The following SERPINI1 variants were observed in gnomAD, a reference collection of about 807,000 sequenced individuals.
SERPINI1 encodes the protein serpin family I member 1.
Under a neutral mutation model 41.1 loss-of-function variants are expected in SERPINI1, and 19 were observed. The ratio of observed to expected loss-of-function variants is 0.46; its 90% CI spans 0.32 to 0.68. The LOEUF (loss-of-function observed/expected upper bound fraction) is 0.68. SERPINI1 is among the 30% of genes least tolerant of loss of function. The pLI is 0.03. For synonymous variants in SERPINI1, 138 were observed against 156.6 expected, an observed-to-expected ratio of 0.88 and a Z score of 0.89; for missense variants, 460 against 479.2, an observed-to-expected ratio of 0.96 and a Z score of 0.37.
chr3:167,797,506 T>C (rs1727753472), intron 5 of SERPINI1, among the ~76,000 whole-genome samples: 1 of 152,162 alleles, frequency 6.6e-6, no homozygotes, highest in South Asian at 2.1e-4. Flanking sequence ...TAATCCATCT[T>C]GAGTTAACTT....
intron 5 of SERPINI1, among the ~76,000 whole-genome samples, chr3:167,804,999 G>A (rs1002427071): frequency 4.0e-5 from 6 of 151,140 alleles, no homozygotes; most frequent in African/African-American, 1.2e-4. Flanking sequence ...TTCTGTTTAC[G>A]ATCACTATAT....
intron 1 of SERPINI1, among the ~76,000 whole-genome samples, chr3:167,743,993 A>G (rs1364410516): frequency 6.6e-6 from 1 of 152,092 alleles, no homozygotes; most frequent in Non-Finnish European, 1.5e-5. Flanking sequence ...CATCTTATTA[A>G]GGCTGCCTTC....
intron 1 of SERPINI1, among the ~76,000 whole-genome samples, chr3:167,778,466 G>A (rs1727026260): frequency 6.6e-6 from 1 of 152,200 alleles, no homozygotes. Flanking sequence ...TGAAATCATA[G>A]GAGATTCAAA....
chr3:167,812,466 C>G (rs1711925678), intron 6 of SERPINI1, among the ~76,000 whole-genome samples: 1 of 152,182 alleles, frequency 6.6e-6, no homozygotes, highest in Admixed American at 6.5e-5. Flanking sequence ...TTTAATATCC[C>G]CAATTTCATC....
chr3:167,743,649 G>C (rs1725751293), intron 1 of SERPINI1, among the ~76,000 whole-genome samples: 1 of 152,140 alleles, frequency 6.6e-6, no homozygotes, highest in Non-Finnish European at 1.5e-5. Flanking sequence ...TCTAGTGTGA[G>C]TTTGGATTCT....
At chr3:167,754,449 T>C (rs1019315366) in intron 1 of SERPINI1, among the ~76,000 whole-genome samples, 1 of 152,248 alleles carries the variant, frequency 6.6e-6, no homozygotes, top group Non-Finnish European at 1.5e-5. Flanking sequence ...CTGTGGCACA[T>C]ACATTTTCAT....
At position 167,744,292 on chromosome 3, in the gene SERPINI1, C is replaced by A. The variant is rs1048122840; in HGVS notation, c.-19+8469C>A. On this transcript the variant is annotated intron_variant, in intron 1 of 8. Transcript: ENST00000446050. ...ACAGAGTGCATTACACAGTAACTGGCGTGTAGTAAATGCTCATTAAATGTT... is the reference window on the plus strand; with the variant it reads ...ACAGAGTGCATTACACAGTAACTGGAGTGTAGTAAATGCTCATTAAATGTT... Among the ~76,000 whole-genome samples the A allele has an allele frequency of 2.0e-5, 3 of 151,744 alleles. No homozygotes were observed. In the East Asian group the frequency reaches 5.8e-4, roughly 29 times the overall value.
chr3:167,781,209 A>G (rs572100908), intron 1 of SERPINI1, among the ~76,000 whole-genome samples: 3 of 152,228 alleles, frequency 2.0e-5, no homozygotes, highest in South Asian at 2.1e-4. Context: ...ACTTATTCCA[A>G]CTTTCACCAA....
At chr3:167,812,284 GC>G (rs1364101624) in intron 6 of SERPINI1, among the ~76,000 whole-genome samples, 5 of 152,134 alleles carry the variant, frequency 3.3e-5, no homozygotes, top group Non-Finnish European at 5.9e-5. Flanking sequence ...AGTCACCTGT[GC>G]CCCATCCGCT....
chr3:167,801,552 T>C (rs1727899480), intron 5 of SERPINI1, among the ~76,000 whole-genome samples: 1 of 152,188 alleles, frequency 6.6e-6, no homozygotes. Context: ...TAGAGAAAGT[T>C]GCTTGTTGCT....
chr3:167,807,844 T>C (rs976858752), intron 6 of SERPINI1, among the ~76,000 whole-genome samples: 7 of 152,212 alleles, frequency 4.6e-5, no homozygotes, highest in Admixed American at 4.6e-4. Flanking sequence ...GGGCTGGGCA[T>C]AGTGGCTCAT....
intron 6 of SERPINI1, among the ~76,000 whole-genome samples, chr3:167,817,552 A>G (rs1332331305): frequency 6.6e-6 from 1 of 151,866 alleles, no homozygotes; most frequent in African/African-American, 2.4e-5. Flanking sequence ...TTATTCAAAT[A>G]TTCTATTTTT....
At chr3:167,786,994 C>A (rs1727339101) in intron 1 of SERPINI1, among the ~76,000 whole-genome samples, 1 of 152,130 alleles carries the variant, frequency 6.6e-6, no homozygotes, top group Admixed American at 6.5e-5. Context: ...CATTTTCTTT[C>A]TTTATATCCT....
chr3:167,757,488 A>G (rs942690663), intron 1 of SERPINI1, among the ~76,000 whole-genome samples: 1 of 151,262 alleles, frequency 6.6e-6, no homozygotes, highest in African/African-American at 2.4e-5. Context: ...AGGAGCCTCA[A>G]TTAGTGAGAT....
intron 1 of SERPINI1, among the ~76,000 whole-genome samples, chr3:167,771,866 T>C (rs1257039567): frequency 6.6e-6 from 1 of 152,212 alleles, no homozygotes; most frequent in Non-Finnish European, 1.5e-5. Context: ...CGCACGCACA[T>C]GCACACATGG....
rs543760661 is a variant in SERPINI1 at position 167,744,875 on chromosome 3, A to G, written c.-19+9052A>G. On this transcript the variant is annotated intron_variant, in intron 1 of 8. Coordinates refer to ENST00000446050, the MANE Select transcript of SERPINI1 (RefSeq NM_001122752.2). ...TAGTTATATATATATATAAATATAT[A>G]TATATCAACTGAATAGCTTATTGAG... Among the ~76,000 whole-genome samples the G allele has an allele frequency of 2.8e-3, 381 of 136,944 alleles. 3 individuals carry two copies. Among genetic ancestry groups the G allele is most frequent in the African/African-American group, 9.7e-3 (360 of 36,986 alleles). The allele number at this position is 136,944 out of a possible 152,430, so 89.8% of individuals were successfully genotyped here.
chr3:167,753,618 T>C (rs896666473), intron 1 of SERPINI1, among the ~76,000 whole-genome samples: 1 of 152,134 alleles, frequency 6.6e-6, no homozygotes, highest in Non-Finnish European at 1.5e-5. Flanking sequence ...TGTGGCCTTT[T>C]TTCAAACTAC....
At chr3:167,744,889 T>C (rs1290484890) in intron 1 of SERPINI1, among the ~76,000 whole-genome samples, 2 of 140,388 alleles carry the variant, frequency 1.4e-5, no homozygotes, top group African/African-American at 2.6e-5. Context: ...ATCAACTGAA[T>C]AGCTTATTGA....
chr3:167,801,653 T>G (rs1197002367), intron 5 of SERPINI1, among the ~76,000 whole-genome samples: 2 of 152,098 alleles, frequency 1.3e-5, no homozygotes, highest in African/African-American at 4.8e-5. Flanking sequence ...TGGAAATCAT[T>G]AAATAATATA....
Sources: allele counts gnomAD v4.1 joint callset (sites outside exome capture counted in the v4.1 genomes callset), GRCh38; gene constraint gnomAD v4.1.1; transcripts MANE v1.5; gene names NCBI Gene and HGNC (gene_info 2026-07-23, HGNC 2026-07-21).